The following CDK14 variants were observed in gnomAD, a reference collection of about 807,000 sequenced individuals.
CDK14 encodes cyclin-dependent kinase 14.
A neutral mutation model predicts 60.7 loss-of-function variants in CDK14; 34 were observed. The observed-to-expected ratio is 0.56, with a 90% CI of 0.43 to 0.75. The LOEUF (loss-of-function observed/expected upper bound fraction) is 0.75, where lower values mean the gene tolerates loss of function less well. Among genes scored for constraint, CDK14 ranks in the 30% least tolerant of loss-of-function variants. The pLI is 0.00. For missense variants in CDK14, 482 were observed against 564.1 expected (o/e 0.85, Z 1.47); for synonymous variants, 197 against 203.7 (o/e 0.97, Z 0.28).
At chr7:90,860,112 G>T (rs1200047316) in intron 5 of CDK14, among the ~76,000 whole-genome samples, 2 of 152,092 alleles carry the variant, frequency 1.3e-5, no homozygotes, top group Admixed American at 6.6e-5. Flanking sequence ...CAGGTATGAA[G>T]AATTTATTCT....
chr7:90,799,115 C>G (rs184624944), intron 5 of CDK14, among the ~76,000 whole-genome samples: 7 of 152,262 alleles, frequency 4.6e-5, no homozygotes, highest in Admixed American at 3.9e-4. Flanking sequence ...AACCAGTTGT[C>G]TCTTTTCATA....
chr7:90,941,890 C>A (rs113179046), intron 8 of CDK14, among the ~76,000 whole-genome samples: 30 of 152,208 alleles, frequency 2.0e-4, no homozygotes, highest in African/African-American at 7.0e-4. Flanking sequence ...TAGGGCACAT[C>A]CTGGCTCCTC....
intron 12 of CDK14, among the ~76,000 whole-genome samples, chr7:91,097,964 G>T (rs1291161214): frequency 2.0e-5 from 3 of 152,224 alleles, no homozygotes; most frequent in African/African-American, 7.2e-5. Context: ...TCAGTGTGCA[G>T]TTGGGAAGAC....
Position 90,955,801 on chromosome 7 carries a change from A to G in CDK14, c.931A>G (p.Thr311Ala). The part of the protein sequence containing the change: ...DVLLGSTEYS[T>A]CLDMWGVGCI... ...CCTTCTAGGCTCAACAGAATATTCCACCTGCCTTGACATGTGGTGAGAAAT... is the reference window on the plus strand; with the variant it reads ...CCTTCTAGGCTCAACAGAATATTCCGCCTGCCTTGACATGTGGTGAGAAAT... The change falls in exon 9 of 15, where the codon ACC becomes GCC. Residue 311 changes from threonine (T) to alanine (A), a missense_variant. By Grantham distance (58) the Thr-to-Ala change is moderately conservative. Transcript: ENST00000380050. 1.2e-6 allele frequency: 2 copies of G among 1,613,090 alleles called. No individual in the cohort carries two copies. Among genetic ancestry groups the G allele is most frequent in the East Asian group, 2.2e-5 (1 of 44,858 alleles).
intron 2 of CDK14, among the ~76,000 whole-genome samples, chr7:90,640,451 A>G (rs1196000252): frequency 6.6e-6 from 1 of 152,130 alleles, no homozygotes; most frequent in Non-Finnish European, 1.5e-5. Context: ...ATGATGGAGT[A>G]TTTGTAAGTC....
At chr7:91,129,013 GGGTTCTCCTCAGA>G (rs141577263) in intron 14 of CDK14, among the ~76,000 whole-genome samples, 5,181 of 152,188 alleles carry the variant, frequency 0.034, 205 homozygotes, top group East Asian at 0.11. Flanking sequence ...TCAGTTTTGT[GGGTTCTCCTCAGA>G]GAAGGTCCCT....
intron 6 of CDK14, among the ~76,000 whole-genome samples, chr7:90,895,866 A>G (rs557538810): frequency 1.3e-5 from 2 of 150,954 alleles, no homozygotes; most frequent in South Asian, 4.2e-4. Flanking sequence ...ATAAGCCACC[A>G]TGCCCACCCT....
At chr7:90,787,438 C>T (rs978554948) in intron 4 of CDK14, among the ~76,000 whole-genome samples, 1 of 152,082 alleles carries the variant, frequency 6.6e-6, no homozygotes, top group Non-Finnish European at 1.5e-5. Context: ...AACATTTAAA[C>T]CTAACATGAA....
chr7:90,634,489 TC>T (rs1354756622), intron 2 of CDK14, among the ~76,000 whole-genome samples: 1 of 151,762 alleles, frequency 6.6e-6, no homozygotes, highest in Non-Finnish European at 1.5e-5. Context: ...TGCATAGTAT[TC>T]CATGGTGTAT....
chr7:91,063,676 G>T (rs528604366), intron 11 of CDK14, among the ~76,000 whole-genome samples: 1 of 152,300 alleles, frequency 6.6e-6, no homozygotes, highest in Admixed American at 6.5e-5. Context: ...TATATATCGG[G>T]AGTTAGAGGA....
chr7:90,723,146 T>G (rs1259139402), intron 2 of CDK14, among the ~76,000 whole-genome samples: 1 of 152,192 alleles, frequency 6.6e-6, no homozygotes. Flanking sequence ...GTTGAGAGGT[T>G]TTATTGTGAA....
chr7:90,853,599 T>C (rs1790721111), intron 5 of CDK14, among the ~76,000 whole-genome samples: 1 of 152,162 alleles, frequency 6.6e-6, no homozygotes, highest in Admixed American at 6.5e-5. Context: ...CACAGTGATT[T>C]TTAAACTTTA....
At chr7:90,643,045 G>T (rs767729931) in intron 2 of CDK14, among the ~76,000 whole-genome samples, 1 of 152,210 alleles carries the variant, frequency 6.6e-6, no homozygotes, top group Non-Finnish European at 1.5e-5. Context: ...TAACATGAAG[G>T]CGTCAAGTAT....
chr7:91,085,889 C>T (rs532935816), intron 12 of CDK14, among the ~76,000 whole-genome samples: 4 of 152,130 alleles, frequency 2.6e-5, no homozygotes, highest in Non-Finnish European at 5.9e-5. Context: ...AAGTTTGGCC[C>T]GACATTTCTA....
At chr7:90,924,113 G>A (rs1205679179) in intron 8 of CDK14, among the ~76,000 whole-genome samples, 2 of 152,222 alleles carry the variant, frequency 1.3e-5, no homozygotes, top group African/African-American at 4.8e-5. Context: ...AAAAAATTAT[G>A]TCTTATAGAG....
chr7:91,198,547 A>G (rs1322302248), intron 14 of CDK14, among the ~76,000 whole-genome samples: 2 of 152,196 alleles, frequency 1.3e-5, no homozygotes, highest in Non-Finnish European at 2.9e-5. Flanking sequence ...CATGCACTGT[A>G]TTTATGTATC....
intron 5 of CDK14, among the ~76,000 whole-genome samples, chr7:90,847,874 G>A (rs548475920): frequency 2.6e-5 from 4 of 152,206 alleles, no homozygotes; most frequent in Admixed American, 6.5e-5. Context: ...CAAGGGCTAC[G>A]AAAAATGTAA....
intron 14 of CDK14, among the ~76,000 whole-genome samples, chr7:91,137,693 GGTGTGTGT>G (rs1197264075): frequency 2.1e-5 from 2 of 97,106 alleles, no homozygotes; most frequent in Non-Finnish European, 1.8e-5. Flanking sequence ...ACTTGTGGGG[GGTGTGTGT>G]GTGTGTGTGT....
intron 5 of CDK14, among the ~76,000 whole-genome samples, chr7:90,825,281 G>A (rs1040185211): frequency 3.3e-5 from 5 of 152,166 alleles, no homozygotes; most frequent in Admixed American, 3.3e-4. Flanking sequence ...ATGTAAGTGA[G>A]CATCGGACTT....
Sources: gnomAD v4.1 joint callset for allele counts (sites outside exome capture counted in the v4.1 genomes callset) on GRCh38, gnomAD v4.1.1 for gene constraint, MANE v1.5 for transcripts, NCBI Gene and HGNC (gene_info 2026-07-23, HGNC 2026-07-21) for gene names.